Variants in IQSEC3 observed in about 807,000 individuals in gnomAD.
IQSEC3 encodes the protein IQ motif and SEC7 domain-containing protein 3.
IQSEC3 carries 50 observed loss-of-function variants against 105.4 expected under a neutral mutation model. The ratio of observed to expected loss-of-function variants is 0.47; its 90% confidence interval spans 0.38 to 0.60. The LOEUF is 0.60. Ranked by LOEUF, IQSEC3 falls within the 20% of genes least tolerant of loss-of-function variation. The pLI is 0.00. For synonymous variants in IQSEC3, 708 were observed against 746.0 expected (o/e 0.95, Z 0.83); for missense variants, 1,415 against 1,630.0 (o/e 0.87, Z 2.27).
At chr12:68,691 G>T (rs1356442067) in intron 1 of IQSEC3, among the ~76,000 whole-genome samples, 1 of 152,272 alleles carries the variant, frequency 6.6e-6, no homozygotes, top group African/African-American at 2.4e-5. Context: ...GTAGAGCTGA[G>T]AATCTCATCT....
chr12:93,366 C>T (rs1411977059), intron 1 of IQSEC3, among the ~76,000 whole-genome samples: 4 of 152,192 alleles, frequency 2.6e-5, no homozygotes, highest in Non-Finnish European at 5.9e-5. Flanking sequence ...TCTGATGGGA[C>T]ATCCTGGCAA....
chr12:174,990 T>C lies in IQSEC3; in HGVS notation c.3506T>C (p.Leu1169Pro). 1 of 1,559,772 alleles carries C rather than the reference T, an allele frequency of 6.4e-7. No homozygotes were observed. Among genetic ancestry groups the C allele is most frequent in the Non-Finnish European group, 8.6e-7 (1 of 1,163,106 alleles). The change falls in exon 14 of 14, where the codon CTG becomes CCG. Residue 1169 changes from leucine (L) to proline (P), a missense_variant. This residue lies in a region of IQSEC3 where 419 missense variants were observed against 436.2 expected (regional missense o/e 0.96). Coordinates refer to ENST00000538872, the MANE Select transcript of IQSEC3 (RefSeq NM_001170738.2). The part of the protein sequence containing the change: ...PHQFCPPGSL[L>P]HGHRYSSGSR... ...CAGTTCTGTCCCCCAGGCTCCCTGC[T>C]GCACGGGCACCGCTACTCCAGTGGC...
In IQSEC3 at chr12:152,717, G is replaced by A. The variant is rs1254126473; in HGVS notation, c.2154-4308G>A. 6.6e-6 allele frequency among the ~76,000 whole-genome samples: 1 copy of A among 152,192 alleles called. No individual in the cohort carries two copies. The highest frequency in any genetic ancestry group is 2.4e-5 in the African/African-American group (1 of 41,438). ...CCTGCCACCCCACACACACACAGGA[G>A]TGAAGAGAAGAGAGCCCAGTGGGGC... is the stretch of plus-strand genomic sequence containing the variant. On this transcript the variant is annotated intron_variant, in intron 5 of 13. Transcript: ENST00000538872. The surrounding 1 kb of genome is among the most constrained non-coding windows in gnomAD (Gnocchi z 4.8).
intron 3 of IQSEC3, among the ~76,000 whole-genome samples, chr12:136,071 G>A (rs1316108996): frequency 1.3e-5 from 2 of 152,242 alleles, no homozygotes; most frequent in African/African-American, 4.8e-5. Flanking sequence ...CCCTCCAATA[G>A]GGGGATTGTG....
At position 138,600 on chromosome 12, in the gene IQSEC3, A is replaced by G. The variant is rs1865870315; in HGVS notation, c.1237A>G (p.Ile413Val). The change falls in exon 4 of 14, where the codon ATC (isoleucine) becomes GTC (valine). Residue 413 changes from isoleucine to valine, a missense_variant. Physicochemically the swap from Ile to Val is conservative, Grantham distance 29 (BLOSUM62 3). Transcript: ENST00000538872. The surrounding 1 kb of genome is among the most constrained non-coding windows in gnomAD (Gnocchi z 7.1). ...TEQVQSLAKSIDDALSTWSLK... is the reference protein window; with the variant it reads ...TEQVQSLAKSVDDALSTWSLK... Reference sequence around the variant, plus strand: ...GCAGGTGCAATCCCTGGCCAAGTCCATCGACGACGCGCTCAGCACGTGGAG... The same window carrying G: ...GCAGGTGCAATCCCTGGCCAAGTCCGTCGACGACGCGCTCAGCACGTGGAG... 6.3e-7 allele frequency: 1 copy of G among 1,589,538 alleles called. No individual in the cohort carries two copies. The highest frequency in any genetic ancestry group is 1.1e-5 in the South Asian group (1 of 89,332).
Position 92,295 on chromosome 12 carries a change from G to A in IQSEC3, c.555-6851G>A, listed in dbSNP as rs139484712. Among the ~76,000 whole-genome samples, 263 of 152,318 alleles carry A rather than the reference G, an allele frequency of 1.7e-3. 1 individual carries two copies. The highest frequency in any genetic ancestry group is 5.7e-3 in the African/African-American group (238 of 41,580). On this transcript the variant is annotated intron_variant, in intron 1 of 13. Coordinates refer to ENST00000538872, the MANE Select transcript of IQSEC3 (RefSeq NM_001170738.2). ...AGAGAAAAAGCCAGAGACCGAGAAT[G>A]ACGATGTTCCTTTTTCATAGAGGTC...
intron 12 of IQSEC3, among the ~76,000 whole-genome samples, chr12:169,990 G>T (rs1938888238): frequency 2.6e-5 from 4 of 152,200 alleles, no homozygotes. Context: ...TGGGCCCCGT[G>T]TGGTCCATGA....
intron 3 of IQSEC3, chr12:137,422 G>T (rs2136993671): frequency 6.6e-6 from 1 of 151,858 alleles, no homozygotes; most frequent in Admixed American, 6.6e-5. Context: ...ATTGTTTATT[G>T]TTTTAAAGTG....
intron 2 of IQSEC3, among the ~76,000 whole-genome samples, chr12:108,388 T>G (rs1481804252): frequency 2.0e-5 from 3 of 152,356 alleles, no homozygotes; most frequent in Middle Eastern, 3.4e-3. Flanking sequence ...TTCACAGGTT[T>G]GGGCTGAGCA....
At position 125,869 on chromosome 12, in the gene IQSEC3, C is replaced by T. The variant is rs1284909239; in HGVS notation, c.860C>T (p.Ala287Val). Residue 287 changes from alanine (A) to valine (V), a missense_variant, in exon 3 of 14, where the codon GCC becomes GTC. This residue lies in a region of IQSEC3 where 720 missense variants were observed against 633.0 expected (regional missense o/e 1.14). Transcript: ENST00000538872. ...LATALCPHAP[A>V]ASDYELSLDL... ...ACGGCGCTGTGCCCCCACGCCCCTG[C>T]CGCCTCCGATTACGAACTCTCCCTT... is the stretch of plus-strand genomic sequence containing the variant. 2.0e-6 allele frequency: 3 copies of T among 1,533,674 alleles called. No individual in the cohort carries two copies. Among genetic ancestry groups the T allele is most frequent in the Non-Finnish European group, 2.6e-6 (3 of 1,146,420 alleles).
chr12:156,791 C>T (rs1218592958), intron 5 of IQSEC3, among the ~76,000 whole-genome samples: 1 of 152,136 alleles, frequency 6.6e-6, no homozygotes, highest in Admixed American at 6.5e-5. Flanking sequence ...CTCCCTCCAC[C>T]CCTGTGTCCT....
At chr12:88,550 G>A (rs140415286) in intron 1 of IQSEC3, among the ~76,000 whole-genome samples, 34 of 152,360 alleles carry the variant, frequency 2.2e-4, no homozygotes, top group Middle Eastern at 6.8e-3. Flanking sequence ...GGGGGTCCCT[G>A]TGGAGATTCC....
rs781961239 is a variant in IQSEC3, at chr12:128,384, G to GA, written c.903+2472_903+2473insA. Among the ~76,000 whole-genome samples the GA allele has an allele frequency of 5.3e-5, 8 of 152,270 alleles. No individual in the cohort carries two copies. The East Asian group carries it at 1.4e-3, about 26-fold the overall frequency. ...GGAAATGATCACTTAGTGACATAAA[G>GA]GGGGATGGGATGGGTATACAGCATG... is the stretch of plus-strand genomic sequence containing the variant. On this transcript the variant is annotated intron_variant, in intron 3 of 13. Coordinates refer to ENST00000538872, the MANE Select transcript of IQSEC3 (RefSeq NM_001170738.2).
At chr12:102,121 C>T (rs1479489597) in intron 2 of IQSEC3, among the ~76,000 whole-genome samples, 1 of 145,494 alleles carries the variant, frequency 6.9e-6, no homozygotes, top group East Asian at 2.1e-4. Context: ...CAGTCTGGCT[C>T]CTCCCCCGTC....
At chr12:126,783 T>C (rs1455170760) in intron 3 of IQSEC3, among the ~76,000 whole-genome samples, 5 of 152,242 alleles carry the variant, frequency 3.3e-5, no homozygotes, top group African/African-American at 1.2e-4. Flanking sequence ...TGCCCCAAAA[T>C]GTGTAGGTTC....
intron 2 of IQSEC3, among the ~76,000 whole-genome samples, chr12:103,809 C>G (rs1864536801): frequency 7.6e-5 from 1 of 13,130 alleles, no homozygotes; most frequent in African/African-American, 4.4e-4. Context: ...AGACGTGGGA[C>G]TCAGGTGGGG....
chr12:98,543 C>G (rs1038849417), intron 1 of IQSEC3, among the ~76,000 whole-genome samples: 10 of 152,228 alleles, frequency 6.6e-5, no homozygotes, highest in African/African-American at 2.4e-4. Flanking sequence ...TATGACACAG[C>G]TGGCGAACTG....
chr12:121,096 G>C (rs1555081812), intron 2 of IQSEC3, among the ~76,000 whole-genome samples: 1 of 152,234 alleles, frequency 6.6e-6, no homozygotes. Context: ...GTCCCAGAGA[G>C]AATCCCATCC....
intron 3 of IQSEC3, among the ~76,000 whole-genome samples, chr12:136,308 A>C (rs1380656593): frequency 6.6e-6 from 1 of 152,214 alleles, no homozygotes; most frequent in Admixed American, 6.5e-5. Context: ...GGCAAGCACT[A>C]AGGATGTCTC....
Sources: gnomAD v4.1 joint callset for allele counts (sites outside exome capture counted in the v4.1 genomes callset) on GRCh38, gnomAD v4.1.1 for gene constraint, gnomAD v4.1.1 regional missense constraint, Gnocchi (gnomAD v3.1) non-coding constraint, MANE v1.5 for transcripts, NCBI Gene and HGNC (gene_info 2026-07-23, HGNC 2026-07-21) for gene names.